Variants in CGNL1 observed in about 807,000 individuals in gnomAD.
CGNL1 encodes the protein cingulin-like protein 1.
CGNL1 carries 132 observed loss-of-function variants against 141.2 expected under a neutral mutation model. The ratio of observed to expected loss-of-function variants is 0.93; its 90% CI spans 0.81 to 1.08. The LOEUF (loss-of-function observed/expected upper bound fraction) is 1.08, where lower values mean the gene tolerates loss of function less well. Ranked by LOEUF, CGNL1 falls within the 50% of genes least tolerant of loss-of-function variation. The pLI, the probability that CGNL1 is intolerant of heterozygous loss-of-function variation, is 0.00. For synonymous variants in CGNL1, 690 were observed against 622.1 expected, an observed-to-expected ratio of 1.11 and a Z score of -1.63; for missense variants, 1,870 against 1,588.6, an observed-to-expected ratio of 1.18 and a Z score of -3.01.
chr15:57,464,267 T>C (rs61998130), intron 8 of CGNL1, among the ~76,000 whole-genome samples: 37,791 of 151,994 alleles, frequency 0.25, 5,314 homozygotes, highest in South Asian at 0.34. Context: ...GAGTTGCCAG[T>C]GAGAGAATGC....
At chr15:57,494,226 G>T (rs1295823226) in intron 8 of CGNL1, among the ~76,000 whole-genome samples, 1 of 152,210 alleles carries the variant, frequency 6.6e-6, no homozygotes, top group Non-Finnish European at 1.5e-5. Context: ...TCAAGGTATA[G>T]CCATCAAATG....
intron 8 of CGNL1, chr15:57,477,438 T>A (rs1178678814): frequency 6.6e-6 from 1 of 152,170 alleles, no homozygotes; most frequent in Admixed American, 6.5e-5. Context: ...AAGGCATTAG[T>A]AAACTTTGGA....
intron 1 of CGNL1, among the ~76,000 whole-genome samples, chr15:57,433,576 A>T (rs1160618031): frequency 1.3e-5 from 2 of 152,150 alleles, no homozygotes; most frequent in Non-Finnish European, 2.9e-5. Context: ...GTGGGAAGGC[A>T]TTGTTACCAT....
At chr15:57,483,055 G>A (rs1253102291) in intron 8 of CGNL1, among the ~76,000 whole-genome samples, 1 of 152,166 alleles carries the variant, frequency 6.6e-6, no homozygotes, top group Non-Finnish European at 1.5e-5. Flanking sequence ...CTAAAGTGCT[G>A]GGATTATAGG....
chr15:57,385,749 G>A (rs569952528), intron 1 of CGNL1, among the ~76,000 whole-genome samples: 7 of 152,306 alleles, frequency 4.6e-5, no homozygotes, highest in Admixed American at 6.5e-5. Context: ...CTCCCCACCC[G>A]GGGGTACATT....
At chr15:57,432,256 A>G (rs1405925470) in intron 1 of CGNL1, among the ~76,000 whole-genome samples, 1 of 152,166 alleles carries the variant, frequency 6.6e-6, no homozygotes, top group African/African-American at 2.4e-5. Flanking sequence ...ATGGCTGGTG[A>G]ATATGCATGC....
chr15:57,506,935 A>G (rs749393082), intron 8 of CGNL1, among the ~76,000 whole-genome samples: 12 of 152,236 alleles, frequency 7.9e-5, no homozygotes, highest in Non-Finnish European at 1.6e-4. Flanking sequence ...TTAAGATAAC[A>G]TTCATATAAC....
intron 1 of CGNL1, among the ~76,000 whole-genome samples, chr15:57,426,865 T>C (rs891320108): frequency 7.9e-5 from 12 of 152,102 alleles, no homozygotes; most frequent in Non-Finnish European, 1.5e-5. Context: ...CCACATATAA[T>C]TTGAGGCTAA....
chr15:57,536,802 T>C (rs1285625470), intron 14 of CGNL1, among the ~76,000 whole-genome samples: 3 of 152,182 alleles, frequency 2.0e-5, no homozygotes, highest in Non-Finnish European at 4.4e-5. Context: ...CTACATAGGG[T>C]CACACAGTTT....
chr15:57,392,973 T>C (rs997101472), intron 1 of CGNL1, among the ~76,000 whole-genome samples: 1 of 152,186 alleles, frequency 6.6e-6, no homozygotes, highest in East Asian at 1.9e-4. Context: ...AGAGTGTGAA[T>C]ATGCCTGTTG....
At chr15:57,520,877 A>G (rs1209051150) in intron 10 of CGNL1, among the ~76,000 whole-genome samples, 5 of 152,168 alleles carry the variant, frequency 3.3e-5, no homozygotes, top group African/African-American at 4.8e-5. Flanking sequence ...CTTGACACCC[A>G]TAGGCTCACC....
Position 57,546,093 on chromosome 15 carries a change from A to G in CGNL1, c.3627A>G (p.Lys1209=). 6.2e-7 allele frequency: 1 copy of G among 1,613,422 alleles called. No individual in the cohort carries two copies. The highest frequency in any genetic ancestry group is 1.1e-5 in the South Asian group (1 of 90,980). Residue 1209 remains lysine, a synonymous_variant, in exon 18 of 19, where the codon AAA becomes AAG. Coordinates refer to ENST00000281282, the MANE Select transcript of CGNL1 (RefSeq NM_032866.5). ...DQKDQLSLRL[K]AMKRQVEEAE... is the part of the protein sequence containing the mutation. ...CGGTGCAGCTGAGCTTGCGTTTGAAAGCCATGAAGCGGCAGGTGGAGGAGG... is the reference window on the plus strand; with the variant it reads ...CGGTGCAGCTGAGCTTGCGTTTGAAGGCCATGAAGCGGCAGGTGGAGGAGG...
At chr15:57,491,185 G>C (rs529645121) in intron 8 of CGNL1, among the ~76,000 whole-genome samples, 8 of 152,220 alleles carry the variant, frequency 5.3e-5, no homozygotes, top group Non-Finnish European at 1.2e-4. Flanking sequence ...TACCATGTTC[G>C]TGTAAGATGC....
chr15:57,497,022 A>G (rs549806734), intron 8 of CGNL1, among the ~76,000 whole-genome samples: 3 of 152,284 alleles, frequency 2.0e-5, no homozygotes, highest in Non-Finnish European at 4.4e-5. Context: ...CACTTCAGCA[A>G]TCCAAACAGA....
At chr15:57,388,820 C>G (rs2062511647) in intron 1 of CGNL1, among the ~76,000 whole-genome samples, 1 of 152,130 alleles carries the variant, frequency 6.6e-6, no homozygotes, top group Admixed American at 6.5e-5. Flanking sequence ...TTTAGACTTC[C>G]AAAAGATTGT....
rs1334125411 is a variant in CGNL1, at chr15:57,414,069, G to A, written c.-15-23916G>A. ...AGAGAAGGTTTACTAAAGTGATCTGGATGTAATATAATCTGGCTGCTGTTT... is the reference window on the plus strand; with the variant it reads ...AGAGAAGGTTTACTAAAGTGATCTGAATGTAATATAATCTGGCTGCTGTTT... On this transcript the variant is annotated intron_variant, in intron 1 of 18. Transcript: ENST00000281282. Among the ~76,000 whole-genome samples the A allele has an allele frequency of 4.6e-5, 7 of 152,228 alleles. No individual in the cohort carries two copies. In the East Asian group the frequency reaches 1.2e-3, roughly 25 times the overall value.
At chr15:57,383,943 C>T (rs1429975428) in intron 1 of CGNL1, among the ~76,000 whole-genome samples, 1 of 152,014 alleles carries the variant, frequency 6.6e-6, no homozygotes, top group Non-Finnish European at 1.5e-5. Flanking sequence ...CCAGCCCAAA[C>T]TTAAGATTTC....
intron 14 of CGNL1, among the ~76,000 whole-genome samples, chr15:57,542,339 G>A (rs555256485): frequency 3.3e-5 from 5 of 152,304 alleles, no homozygotes; most frequent in African/African-American, 1.2e-4. Flanking sequence ...GGAAAAGGTG[G>A]TTTTATTTTA....
chr15:57,545,043 G>A (rs2032781040), intron 16 of CGNL1, among the ~76,000 whole-genome samples: 1 of 152,162 alleles, frequency 6.6e-6, no homozygotes, highest in Non-Finnish European at 1.5e-5. Context: ...CAGTGTGTGG[G>A]AGGGACATGG....
Sources: allele counts gnomAD v4.1 joint callset (sites outside exome capture counted in the v4.1 genomes callset), GRCh38; gene constraint gnomAD v4.1.1; transcripts MANE v1.5; gene names NCBI Gene and HGNC (gene_info 2026-07-23, HGNC 2026-07-21).